The following CACNA1A variants were observed in gnomAD, a reference collection of about 807,000 sequenced individuals.
The protein encoded by CACNA1A is calcium voltage-gated channel subunit alpha1 A.
Under a neutral mutation model 262.4 loss-of-function variants are expected in CACNA1A, and 57 were observed. That is an observed-to-expected ratio of 0.22 (90% CI 0.18 to 0.27). The LOEUF (loss-of-function observed/expected upper bound fraction) is 0.27, where lower values mean the gene tolerates loss of function less well. Ranked by LOEUF, CACNA1A falls within the 10% of genes least tolerant of loss-of-function variation. CACNA1A has a pLI of 1.00. For missense variants in CACNA1A, 2,526 were observed against 3,562.8 expected, an observed-to-expected ratio of 0.71 and a Z score of 7.41; for synonymous variants, 1,431 against 1,419.3, an observed-to-expected ratio of 1.01 and a Z score of -0.18.
intron 21 of CACNA1A, 127 bp downstream of exon 21, chr19:13,284,941 A>T: frequency 1.2e-6 from 1 of 832,856 alleles, no homozygotes; most frequent in Non-Finnish European, 1.9e-6. Flanking sequence ...TCCATTTTCA[A>T]CTTGTTCAAA....
intron 24 of CACNA1A, chr19:13,275,649 G>A (rs2057128467): frequency 3.4e-6 from 2 of 596,166 alleles, no homozygotes; most frequent in Non-Finnish European, 6.1e-6. Flanking sequence ...CAGGAGGGGG[G>A]GTCCCTTCTC....
chr19:13,447,494 G>T (rs1035838470), intron 3 of CACNA1A, among the ~76,000 whole-genome samples: 9 of 152,104 alleles, frequency 5.9e-5, no homozygotes, highest in African/African-American at 1.9e-4. Flanking sequence ...TTCTTCAGAG[G>T]GACAAAACTA....
intron 24 of CACNA1A, chr19:13,274,055 TCAAATA>T (rs1196801715): frequency 6.6e-6 from 1 of 151,528 alleles, no homozygotes; most frequent in Non-Finnish European, 1.5e-5. Context: ...GCTCTAGTAG[TCAAATA>T]GACACTGAAA....
intron 6 of CACNA1A, among the ~76,000 whole-genome samples, chr19:13,336,565 G>A (rs2058568257): frequency 6.8e-6 from 1 of 148,012 alleles, no homozygotes; most frequent in South Asian, 2.2e-4. Flanking sequence ...TTGGGGGGTG[G>A]AGAGAGAAAG....
intron 30 of CACNA1A, among the ~76,000 whole-genome samples, chr19:13,248,704 G>A (rs941372935): frequency 2.0e-5 from 3 of 152,012 alleles, no homozygotes; most frequent in Non-Finnish European, 4.4e-5. Flanking sequence ...TTAGCCGGGC[G>A]TGATGGTGGG....
chr19:13,307,880 C>A, intron 14 of CACNA1A, 26 bp from the exon 15 acceptor site: 1 of 1,606,526 alleles, frequency 6.2e-7, no homozygotes, highest in African/African-American at 1.3e-5. Context: ...AGACATTTCA[C>A]GTTGGCCCCA....
intron 10 of CACNA1A, among the ~76,000 whole-genome samples, chr19:13,325,040 C>G (rs964644601): frequency 2.0e-5 from 3 of 151,636 alleles, no homozygotes; most frequent in African/African-American, 7.3e-5. Flanking sequence ...TCTTCCTCTT[C>G]TTCTTCCTCT....
chr19:13,287,562 C>G (rs747234061), intron 19 of CACNA1A, among the ~76,000 whole-genome samples: 1 of 151,934 alleles, frequency 6.6e-6, no homozygotes, highest in Admixed American at 6.6e-5. Context: ...CGTACAGTGG[C>G]GTGATCTCGG....
chr19:13,321,430 G>A (rs1287085007), intron 10 of CACNA1A, among the ~76,000 whole-genome samples: 1 of 152,152 alleles, frequency 6.6e-6, no homozygotes, highest in East Asian at 1.9e-4. Flanking sequence ...AAAATTATAT[G>A]TAAATTGTAA....
chr19:13,488,937 G>A (rs984052203), intron 1 of CACNA1A, among the ~76,000 whole-genome samples: 2 of 151,514 alleles, frequency 1.3e-5, no homozygotes, highest in South Asian at 2.1e-4. Context: ...CAGGGTCATC[G>A]GGCACTTCAA....
chr19:13,245,030 G>C (rs2056189245), intron 31 of CACNA1A, 152 bp downstream of exon 31: 2 of 656,060 alleles, frequency 3.0e-6, no homozygotes, highest in Non-Finnish European at 5.4e-6. Context: ...TTGTCCCCGG[G>C]GCCCCAGTTC....
At chr19:13,492,258 TGAGAAAACA>T (rs1980978314) in intron 1 of CACNA1A, among the ~76,000 whole-genome samples, 1 of 152,118 alleles carries the variant, frequency 6.6e-6, no homozygotes, top group Admixed American at 6.5e-5. Context: ...AGAATGTGCC[TGAGAAAACA>T]GAGGAAAGGA....
chr19:13,460,956 T>C (rs1568667996), intron 1 of CACNA1A, among the ~76,000 whole-genome samples: 1 of 152,194 alleles, frequency 6.6e-6, no homozygotes, highest in East Asian at 1.9e-4. Flanking sequence ...CTGCACACTC[T>C]ATGCACGTGG....
At chr19:13,221,047 TCCTC>T (rs1420239307) in intron 38 of CACNA1A, among the ~76,000 whole-genome samples, 1 of 150,250 alleles carries the variant, frequency 6.7e-6, no homozygotes, top group Non-Finnish European at 1.5e-5. Flanking sequence ...CCTTGGCTCT[TCCTC>T]CCTTCTTTCC....
chr19:13,431,612 G>A (rs2060505012), intron 3 of CACNA1A, among the ~76,000 whole-genome samples: 1 of 152,060 alleles, frequency 6.6e-6, no homozygotes, highest in African/African-American at 2.4e-5. Context: ...CCAAGATGCA[G>A]GTACAACCCA....
Position 13,208,060 on chromosome 19 carries a change from GA to G in CACNA1A, c.6781-8del. 7.9e-7 allele frequency: 1 copy of G among 1,265,908 alleles called. No individual in the cohort carries two copies. Among genetic ancestry groups the G allele is most frequent in the Non-Finnish European group, 9.9e-7 (1 of 1,008,792 alleles). The allele number at this position is 1,265,908 out of a possible 1,614,324, so 78.4% of individuals were successfully genotyped here. A position where few individuals can be genotyped will look rare whatever the true frequency, so the allele number is the denominator to read the frequency against. On this transcript the variant is annotated splice_region_variant and splice_polypyrimidine_tract_variant and intron_variant, in intron 46 of 46. Coordinates refer to ENST00000360228, the MANE Select transcript of CACNA1A (RefSeq NM_001127222.2). ...CACTTACGGAACTACTGCCCTACAC[GA>G]AAATTGAAACAAAGGAAATCAAAAA...
In CACNA1A at chr19:13,422,034, C is replaced by T. The variant is rs561929824; in HGVS notation, c.539+30842G>A. ...GATGCTAGGGGATCCTTAAAAAGTT[C>T]AATGGGCTGGATGTGGTGGCTAACC... On this transcript the variant is annotated intron_variant, in intron 3 of 46. Coordinates refer to ENST00000360228, the MANE Select transcript of CACNA1A (RefSeq NM_001127222.2). Among the ~76,000 whole-genome samples the T allele has an allele frequency of 5.9e-5, 9 of 152,230 alleles. No homozygotes were observed. The East Asian group carries it at 1.5e-3, about 26-fold the overall frequency.
chr19:13,343,469 T>A (rs542707413), intron 6 of CACNA1A, among the ~76,000 whole-genome samples: 5 of 152,096 alleles, frequency 3.3e-5, no homozygotes, highest in Non-Finnish European at 7.4e-5. Context: ...GACTCTTTTA[T>A]GGATCCCATG....
At chr19:13,255,300 A>G (rs747430234) in intron 28 of CACNA1A, 41 bp from the exon 29 acceptor site, 14 of 1,535,656 alleles carry the variant, frequency 9.1e-6, no homozygotes, top group Non-Finnish European at 1.1e-5. Context: ...CAGAGGCAGG[A>G]GGAAGGTGGC....
Sources: gnomAD v4.1 joint callset for allele counts (sites outside exome capture counted in the v4.1 genomes callset) on GRCh38, gnomAD v4.1.1 for gene constraint, MANE v1.5 for transcripts, NCBI Gene and HGNC (gene_info 2026-07-23, HGNC 2026-07-21) for gene names.